Variants in TENM3 observed in about 807,000 individuals in gnomAD.
TENM3 encodes teneurin transmembrane protein 3, also known as teneurin-3.
Under a neutral mutation model 255.1 loss-of-function variants are expected in TENM3, and 63 were observed. That is an observed-to-expected ratio of 0.25 (90% CI 0.20 to 0.30). TENM3 has a LOEUF of 0.30. Among genes scored for constraint, TENM3 ranks in the 10% least tolerant of loss-of-function variants. The probability of loss-of-function intolerance (pLI) is 1.00; values close to 1 mark genes in which losing one functional copy is unlikely to be tolerated. For missense variants in TENM3, 2,929 were observed against 3,461.1 expected (o/e 0.85, Z 3.86); for synonymous variants, 1,306 against 1,322.3 (o/e 0.99, Z 0.27).
At chr4:182,776,055 T>G (rs907807806) in intron 24 of TENM3, among the ~76,000 whole-genome samples, 10 of 151,662 alleles carry the variant, frequency 6.6e-5, no homozygotes, top group Non-Finnish European at 1.2e-4. Context: ...TAAATGAAAT[T>G]TACCCTATAC....
At chr4:182,115,752 C>A in the TENM3 span, among the ~76,000 whole-genome samples, 1 of 152,174 alleles carries the variant, frequency 6.6e-6, no homozygotes, top group African/African-American at 2.4e-5. Context: ...CCTATTACTT[C>A]TCTGGTCCGT....
intron 3 of TENM3, among the ~76,000 whole-genome samples, chr4:182,467,061 TA>T (rs1005574874): frequency 1.8e-4 from 28 of 152,312 alleles, no homozygotes; most frequent in Admixed American, 9.8e-4. Flanking sequence ...TAGGGGAAAT[TA>T]AAATTTAGTT....
the TENM3 span, among the ~76,000 whole-genome samples, chr4:181,460,678 C>CTTTTTTTTTTTTTTTTTTTT: frequency 7.3e-6 from 1 of 136,862 alleles, no homozygotes. Context: ...AGCTATAGTT[C>CTTTTTTTTTTTTTTTTTTTT]TTTTTTTTTT....
intron 7 of TENM3, among the ~76,000 whole-genome samples, chr4:182,673,772 C>G (rs1011211714): frequency 4.6e-5 from 7 of 152,148 alleles, no homozygotes; most frequent in African/African-American, 1.7e-4. Context: ...CAGAGATAAC[C>G]AAGTATGATC....
At chr4:181,824,719 C>A in the TENM3 span, among the ~76,000 whole-genome samples, 1 of 151,842 alleles carries the variant, frequency 6.6e-6, no homozygotes, top group Non-Finnish European at 1.5e-5. Context: ...TCTTCTAATT[C>A]ACCAGACTCA....
At chr4:181,920,482 A>T in the TENM3 span, among the ~76,000 whole-genome samples, 1 of 152,142 alleles carries the variant, frequency 6.6e-6, no homozygotes, top group African/African-American at 2.4e-5. Context: ...CTCTGATGGC[A>T]AGTGATGGTG....
the TENM3 span, among the ~76,000 whole-genome samples, chr4:181,905,534 C>CTT: frequency 6.1e-5 from 8 of 131,940 alleles, no homozygotes; most frequent in Non-Finnish European, 9.7e-5. Context: ...ATGAGCTGAG[C>CTT]TTTTTTTTTT....
At chr4:182,667,051 C>T (rs1195050079) in intron 6 of TENM3, among the ~76,000 whole-genome samples, 2 of 152,114 alleles carry the variant, frequency 1.3e-5, no homozygotes, top group Admixed American at 1.3e-4. Context: ...ACAAAATGTG[C>T]AATAGGTATG....
At chr4:182,354,208 A>G (rs1333539760) in intron 3 of TENM3, among the ~76,000 whole-genome samples, 1 of 152,216 alleles carries the variant, frequency 6.6e-6, no homozygotes, top group Non-Finnish European at 1.5e-5. Context: ...TTGTTAAAGT[A>G]TACAGAATAT....
chr4:182,389,010 CATAAATT>C (rs1768214806), intron 3 of TENM3, among the ~76,000 whole-genome samples: 1 of 152,160 alleles, frequency 6.6e-6, no homozygotes, highest in African/African-American at 2.4e-5. Flanking sequence ...AAATTTCAAA[CATAAATT>C]ATATTGCAAC....
At chr4:181,713,679 G>T in the TENM3 span, among the ~76,000 whole-genome samples, 1 of 152,070 alleles carries the variant, frequency 6.6e-6, no homozygotes, top group Non-Finnish European at 1.5e-5. Flanking sequence ...GGGCCACCAA[G>T]ATTGAGAACC....
At chr4:181,953,657 G>A in the TENM3 span, among the ~76,000 whole-genome samples, 9 of 152,066 alleles carry the variant, frequency 5.9e-5, no homozygotes. Context: ...TCCAGCCTGG[G>A]TGACAGAGTG....
At chr4:182,219,301 A>G (rs1005891833) in intron 1 of TENM3, among the ~76,000 whole-genome samples, 1 of 152,190 alleles carries the variant, frequency 6.6e-6, no homozygotes, top group Non-Finnish European at 1.5e-5. Flanking sequence ...ATGAAGAAAA[A>G]AATTCATTTC....
the TENM3 span, among the ~76,000 whole-genome samples, chr4:181,495,057 C>A: frequency 6.6e-6 from 1 of 152,158 alleles, no homozygotes; most frequent in African/African-American, 2.4e-5. Flanking sequence ...TATTAAGTTT[C>A]AGGCATTGAA....
At chr4:181,654,854 G>A in the TENM3 span, among the ~76,000 whole-genome samples, 6 of 152,046 alleles carry the variant, frequency 3.9e-5, no homozygotes, top group Admixed American at 2.0e-4. Flanking sequence ...AGTAGTTGGG[G>A]CTCAGCAGTC....
intron 22 of TENM3, among the ~76,000 whole-genome samples, chr4:182,762,843 C>T (rs1763319972): frequency 6.6e-6 from 1 of 152,138 alleles, no homozygotes; most frequent in South Asian, 2.1e-4. Flanking sequence ...TCAAGTCACC[C>T]TAACTCCTCA....
At chr4:182,526,498 C>T (rs764028087) in intron 3 of TENM3, among the ~76,000 whole-genome samples, 10 of 151,952 alleles carry the variant, frequency 6.6e-5, no homozygotes, top group South Asian at 2.1e-4. Context: ...TACCTGACAT[C>T]GTTGTCAGGT....
chr4:182,687,056 C>T (rs1205382979), intron 11 of TENM3, among the ~76,000 whole-genome samples: 10 of 152,030 alleles, frequency 6.6e-5, no homozygotes, highest in African/African-American at 1.7e-4. Flanking sequence ...TAGAGAATCA[C>T]GTGTCTGAGA....
At chr4:181,923,599 A>G in the TENM3 span, among the ~76,000 whole-genome samples, 3 of 152,212 alleles carry the variant, frequency 2.0e-5, no homozygotes, top group Non-Finnish European at 4.4e-5. Context: ...AAATATACCA[A>G]GTAAATCAAG....
Sources: allele counts gnomAD v4.1 joint callset (sites outside exome capture counted in the v4.1 genomes callset), GRCh38; gene constraint gnomAD v4.1.1; transcripts MANE v1.5; gene names NCBI Gene and HGNC (gene_info 2026-07-23, HGNC 2026-07-21).